Variants in DIAPH2 observed in about 807,000 individuals in gnomAD.
DIAPH2 encodes protein diaphanous homolog 2.
DIAPH2 carries 35 observed loss-of-function variants against 92.7 expected under a neutral mutation model. That is an observed-to-expected ratio of 0.38 (90% confidence interval 0.29 to 0.50). DIAPH2 has a LOEUF of 0.50. Among genes scored for constraint, DIAPH2 ranks in the 20% least tolerant of loss-of-function variants. The pLI, the probability that DIAPH2 is intolerant of heterozygous loss-of-function variation, is 0.94. For missense variants in DIAPH2, 701 were observed against 819.5 expected, an observed-to-expected ratio of 0.86 and a Z score of 1.77; for synonymous variants, 301 against 280.4, an observed-to-expected ratio of 1.07 and a Z score of -0.73.
chrX:97,320,966 A>C (rs1036704159), intron 23 of DIAPH2, among the ~76,000 whole-genome samples: 3 of 112,040 alleles, frequency 2.7e-5, no homozygotes, highest in Non-Finnish European at 3.8e-5. Flanking sequence ...AGATTTTATT[A>C]CTAATTCATT....
intron 26 of DIAPH2, among the ~76,000 whole-genome samples, chrX:97,565,725 C>T (rs2071322318): frequency 8.9e-6 from 1 of 111,884 alleles, no homozygotes; most frequent in Admixed American, 9.5e-5. Context: ...TTTCTAGAAG[C>T]ACTGGAGCTA....
chrX:96,810,666 T>G (rs2064671298), intron 4 of DIAPH2, among the ~76,000 whole-genome samples: 2 of 111,872 alleles, frequency 1.8e-5, no homozygotes, highest in African/African-American at 6.5e-5. Context: ...AACGTTTAAG[T>G]CTTTAATCCA....
chrX:96,838,844 A>C (rs941377800), intron 4 of DIAPH2, among the ~76,000 whole-genome samples: 1 of 112,231 alleles, frequency 8.9e-6, no homozygotes, highest in Non-Finnish European at 1.9e-5. Context: ...GCCTAGAGGC[A>C]TGTTTCTAGT....
intron 17 of DIAPH2, among the ~76,000 whole-genome samples, chrX:96,995,972 A>G (rs1329649490): frequency 9.0e-6 from 1 of 111,344 alleles, no homozygotes; most frequent in Non-Finnish European, 1.9e-5. Context: ...AACAACTCAA[A>G]TCTTGAATTT....
intron 4 of DIAPH2, among the ~76,000 whole-genome samples, chrX:96,800,238 G>A (rs971295552): frequency 1.0e-5 from 1 of 95,333 alleles, no homozygotes; most frequent in Non-Finnish European, 2.0e-5. Flanking sequence ...AATTATAGTC[G>A]AATAGTCTCA....
At position 96,965,144 on chromosome X, in the gene DIAPH2, G is replaced by C; in HGVS notation, c.1987G>C (p.Asp663His). 8.4e-7 allele frequency: 1 copy of C among 1,195,522 alleles called. No homozygotes were observed. The highest frequency in any genetic ancestry group is 1.1e-6 in the Non-Finnish European group (1 of 887,178). Reference sequence around the variant, plus strand: ...CTGTTTCTGGTTAAGAGTCAAAGAAGACAAGTTTGAGAATCCAGATCTCTT... The same window carrying C: ...CTGTTTCTGGTTAAGAGTCAAAGAACACAAGTTTGAGAATCCAGATCTCTT... ...ENCFWLRVKE[D>H]KFENPDLFAK... The change falls in exon 17 of 27, where the codon GAC (aspartate) becomes CAC (histidine). Residue 663 changes from aspartate to histidine, a missense_variant. By Grantham distance (81) the Asp-to-His change is moderately conservative. This residue lies in a region of DIAPH2 where 536 missense variants were observed against 599.3 expected (regional missense o/e 0.89). Coordinates refer to ENST00000324765, the MANE Select transcript of DIAPH2 (RefSeq NM_006729.5).
At chrX:96,974,697 TTTTG>T (rs2065949566) in intron 17 of DIAPH2, among the ~76,000 whole-genome samples, 2 of 111,643 alleles carry the variant, frequency 1.8e-5, no homozygotes, top group South Asian at 3.7e-4. Context: ...TATGTTCTAG[TTTTG>T]TTTATTATTC....
intron 22 of DIAPH2, among the ~76,000 whole-genome samples, chrX:97,242,490 A>G (rs1260089316): frequency 9.1e-6 from 1 of 109,416 alleles, no homozygotes; most frequent in Non-Finnish European, 1.9e-5. Flanking sequence ...CAGTCTCCCG[A>G]GTATCTGGGA....
At position 97,099,690 on chromosome X, in the gene DIAPH2, T is replaced by C. The variant is rs201317555; in HGVS notation, c.2248-4T>C. 7.8e-5 allele frequency: 90 copies of C among 1,146,790 alleles called. No homozygotes were observed. In the Middle Eastern group the frequency reaches 1.2e-3, roughly 15 times the overall value. 94.5% of individuals were successfully genotyped at this position (1,146,790 alleles called of 1,213,427 possible). ...TAAACTTTTATACTTTTATTTCTTT[T>C]TAGAACCTTGTGAAACATCTTCCTG... is the stretch of plus-strand genomic sequence containing the variant. On this transcript the variant is annotated splice_polypyrimidine_tract_variant and splice_region_variant and intron_variant, in intron 19 of 26. Coordinates refer to ENST00000324765, the MANE Select transcript of DIAPH2 (RefSeq NM_006729.5).
chrX:97,347,233 C>T (rs2069166465), intron 23 of DIAPH2, among the ~76,000 whole-genome samples: 1 of 107,717 alleles, frequency 9.3e-6, no homozygotes, highest in Non-Finnish European at 1.9e-5. Flanking sequence ...GGAGTACAGG[C>T]GCGTGTCACC....
At chrX:97,573,811 C>T (rs1017268600) in intron 26 of DIAPH2, among the ~76,000 whole-genome samples, 9 of 109,330 alleles carry the variant, frequency 8.2e-5, no homozygotes, top group African/African-American at 3.0e-4. Context: ...TAGGTGACCG[C>T]CACCACACCC....
intron 4 of DIAPH2, among the ~76,000 whole-genome samples, chrX:96,844,458 G>T (rs2064957778): frequency 8.9e-6 from 1 of 112,326 alleles, no homozygotes; most frequent in African/African-American, 3.2e-5. Context: ...CCTTTAAAGT[G>T]AAATTAATAT....
At chrX:97,077,928 C>A (rs2066716106) in intron 19 of DIAPH2, among the ~76,000 whole-genome samples, 1 of 111,528 alleles carries the variant, frequency 9.0e-6, no homozygotes, top group Admixed American at 9.5e-5. Flanking sequence ...TTATGAGTTA[C>A]TGTCAAATAA....
At chrX:96,802,703 T>C (rs370813105) in intron 4 of DIAPH2, among the ~76,000 whole-genome samples, 2 of 111,456 alleles carry the variant, frequency 1.8e-5, no homozygotes, top group East Asian at 5.6e-4. Flanking sequence ...ACTAATAGGA[T>C]AGGTGTATAC....
At chrX:97,460,992 A>G (rs1160571881) in intron 26 of DIAPH2, among the ~76,000 whole-genome samples, 7 of 112,430 alleles carry the variant, frequency 6.2e-5, no homozygotes, top group African/African-American at 2.3e-4. Flanking sequence ...ACATCAGTTT[A>G]TCTCTAACAT....
intron 26 of DIAPH2, among the ~76,000 whole-genome samples, chrX:97,443,028 G>A (rs190167851): frequency 1.7e-3 from 177 of 104,060 alleles, no homozygotes; most frequent in African/African-American, 5.9e-3. Context: ...CCAGCCTCCC[G>A]AGTAGCTGGA....
chrX:97,521,775 C>G (rs2070993058), intron 26 of DIAPH2, among the ~76,000 whole-genome samples: 1 of 111,817 alleles, frequency 8.9e-6, no homozygotes, highest in Non-Finnish European at 1.9e-5. Context: ...TCAATTAAAC[C>G]TCTTTTCTTT....
At chrX:97,037,706 A>G (rs1431263650) in intron 17 of DIAPH2, among the ~76,000 whole-genome samples, 3 of 111,283 alleles carry the variant, frequency 2.7e-5, no homozygotes, top group African/African-American at 9.8e-5. Flanking sequence ...TTATATTTTT[A>G]TAAGTACTTT....
chrX:97,147,774 A>G (rs1180988100), intron 22 of DIAPH2, among the ~76,000 whole-genome samples: 1 of 111,437 alleles, frequency 9.0e-6, no homozygotes. Flanking sequence ...AATTAAATAA[A>G]TTATTATAAT....
Sources: allele counts gnomAD v4.1 joint callset (sites outside exome capture counted in the v4.1 genomes callset), GRCh38; gene constraint gnomAD v4.1.1; regional missense constraint gnomAD v4.1.1; transcripts MANE v1.5; gene names NCBI Gene and HGNC (gene_info 2026-07-23, HGNC 2026-07-21).